Variants in PRKG1 observed in about 807,000 individuals in gnomAD.
PRKG1 encodes protein kinase cGMP-dependent 1, also known as cGMP-dependent protein kinase 1.
In PRKG1, 35 loss-of-function variants were observed where a neutral mutation model predicts 88.1. The ratio of observed to expected loss-of-function variants is 0.40; its 90% CI spans 0.30 to 0.53. PRKG1 has a LOEUF of 0.53. PRKG1 is among the 20% of genes least tolerant of loss of function. The pLI, the probability that PRKG1 is intolerant of heterozygous loss-of-function variation, is 0.59. For synonymous variants in PRKG1, 303 were observed against 292.5 expected, an observed-to-expected ratio of 1.04 and a Z score of -0.37; for missense variants, 540 against 839.8, an observed-to-expected ratio of 0.64 and a Z score of 4.41.
chr10:51,025,342 T>C (rs1168851818), intron 1 of PRKG1, among the ~76,000 whole-genome samples: 1 of 152,202 alleles, frequency 6.6e-6, no homozygotes, highest in African/African-American at 2.4e-5. Context: ...TTTCCTGTAC[T>C]CAATCACTGC....
At chr10:51,311,962 C>T (rs552407753) in intron 2 of PRKG1, among the ~76,000 whole-genome samples, 13 of 152,256 alleles carry the variant, frequency 8.5e-5, no homozygotes, top group Middle Eastern at 3.4e-3. Context: ...ACCTCTGCCT[C>T]CCGGGTTCAA....
chr10:51,303,902 C>A (rs554720430), intron 2 of PRKG1, among the ~76,000 whole-genome samples: 1 of 152,192 alleles, frequency 6.6e-6, no homozygotes, highest in African/African-American at 2.4e-5. Flanking sequence ...CTCACCGCAA[C>A]CTCCACCCCC....
At position 52,019,605 on chromosome 10, in the gene PRKG1, C is replaced by T. The variant is rs140885517; in HGVS notation, c.763-34879C>T. Among the ~76,000 whole-genome samples, 923 of 152,268 alleles carry T rather than the reference C, an allele frequency of 6.1e-3. 8 individuals are homozygous for T. The highest frequency in any genetic ancestry group is 0.021 in the African/African-American group (871 of 41,544). On this transcript the variant is annotated intron_variant, in intron 5 of 17. Coordinates refer to ENST00000373980, the MANE Select transcript of PRKG1 (RefSeq NM_006258.4). The stretch of plus-strand genomic sequence containing the variant: ...ATTGTGTTAATGAGGATATTTTATA[C>T]TCTGTGTCCATGAGATATTGATATG...
intron 12 of PRKG1, among the ~76,000 whole-genome samples, chr10:52,279,978 C>T (rs1279179075): frequency 6.6e-6 from 1 of 151,810 alleles, no homozygotes; most frequent in Non-Finnish European, 1.5e-5. Context: ...ACCTTAGATG[C>T]CAAGGTTTTT....
At chr10:51,784,358 T>G (rs1838675945) in intron 3 of PRKG1, among the ~76,000 whole-genome samples, 1 of 152,120 alleles carries the variant, frequency 6.6e-6, no homozygotes, top group African/African-American at 2.4e-5. Context: ...AGTACACATA[T>G]GTAGCTGTCC....
intron 1 of PRKG1, among the ~76,000 whole-genome samples, chr10:51,095,630 C>T (rs187431178): frequency 1.2e-4 from 19 of 152,286 alleles, no homozygotes; most frequent in African/African-American, 1.7e-4. Flanking sequence ...AGCCAGACCG[C>T]GTGCCCAGCT....
intron 4 of PRKG1, among the ~76,000 whole-genome samples, chr10:51,884,977 G>T (rs1841533219): frequency 6.6e-6 from 1 of 152,138 alleles, no homozygotes; most frequent in Non-Finnish European, 1.5e-5. Flanking sequence ...AGAGTCTACT[G>T]TATTCCTGAC....
chr10:52,237,663 T>C (rs1840724109), intron 9 of PRKG1, among the ~76,000 whole-genome samples: 1 of 122,332 alleles, frequency 8.2e-6, no homozygotes, highest in African/African-American at 3.3e-5. Flanking sequence ...CTCAAGGAAA[T>C]AAAAGAGGAT....
chr10:51,030,004 T>A (rs1319871511), intron 1 of PRKG1, among the ~76,000 whole-genome samples: 1 of 152,164 alleles, frequency 6.6e-6, no homozygotes, highest in Non-Finnish European at 1.5e-5. Context: ...GTAATTAATA[T>A]TCTTCTGATA....
chr10:52,069,923 G>A (rs140874062), intron 7 of PRKG1, among the ~76,000 whole-genome samples: 120 of 150,588 alleles, frequency 8.0e-4, no homozygotes, highest in African/African-American at 2.7e-3. Flanking sequence ...TCGTTTAGAA[G>A]TTTTACCTTC....
chr10:52,117,160 A>ATGTGTGTGTG (rs1358092566), intron 7 of PRKG1, among the ~76,000 whole-genome samples: 6 of 63,080 alleles, frequency 9.5e-5, no homozygotes, highest in African/African-American at 3.4e-4. Flanking sequence ...TCTATGTGAA[A>ATGTGTGTGTG]TATCTGTGTG....
chr10:50,991,369 C>T lies in PRKG1; in HGVS notation c.-10C>T. 1 of 1,517,510 alleles carries T rather than the reference C, an allele frequency of 6.6e-7. No individual in the cohort carries two copies. Among genetic ancestry groups the T allele is most frequent in the South Asian group, 1.2e-5 (1 of 80,796 alleles). 94.0% of individuals were successfully genotyped at this position (1,517,510 alleles called of 1,614,324 possible). A position where few individuals can be genotyped will look rare whatever the true frequency, so the allele number is the denominator to read the frequency against. On this transcript the variant is annotated 5_prime_UTR_variant, in exon 1 of 18. Transcript: ENST00000401604. The surrounding 1 kb of genome is among the most constrained non-coding windows in gnomAD (Gnocchi z 4.5). Reference sequence around the variant, plus strand: ...CGAGAAAAAGTTTCGCGGAGGGGCTCAGTGAAAAAATGAGCGAGCTAGAGG... The same window carrying T: ...CGAGAAAAAGTTTCGCGGAGGGGCTTAGTGAAAAAATGAGCGAGCTAGAGG...
chr10:51,682,777 C>G (rs865787130), intron 3 of PRKG1, among the ~76,000 whole-genome samples: 1 of 152,164 alleles, frequency 6.6e-6, no homozygotes, highest in Non-Finnish European at 1.5e-5. Flanking sequence ...AATTTGAACA[C>G]AGGCAGAGAT....
chr10:51,712,945 TC>T (rs369970382), intron 3 of PRKG1, among the ~76,000 whole-genome samples: 2 of 150,228 alleles, frequency 1.3e-5, no homozygotes, highest in African/African-American at 4.9e-5. Flanking sequence ...ACATAACTGC[TC>T]ATTCTACCTA....
chr10:51,310,467 A>G (rs1350412890), intron 2 of PRKG1, among the ~76,000 whole-genome samples: 4 of 152,220 alleles, frequency 2.6e-5, no homozygotes, highest in Non-Finnish European at 4.4e-5. Flanking sequence ...TCCATAGCAA[A>G]CGCAGAAAGT....
chr10:51,014,579 A>AAG (rs1318987611), intron 1 of PRKG1, among the ~76,000 whole-genome samples: 2 of 152,068 alleles, frequency 1.3e-5, no homozygotes, highest in Admixed American at 6.6e-5. Flanking sequence ...ATCCGTGATG[A>AAG]AGCTGCACGT....
Position 51,475,264 on chromosome 10 carries a change from TGTC to T in PRKG1, c.592+7429_592+7431del, listed in dbSNP as rs1840158778. On this transcript the variant is annotated intron_variant, in intron 3 of 17. Coordinates refer to ENST00000373980, the MANE Select transcript of PRKG1 (RefSeq NM_006258.4). ...AGGGAACTTCAAATGTTTACTCTAA[TGTC>T]TCTCAAAGTGTGGTCCCTGGAACAG... Among the ~76,000 whole-genome samples, 3 of 152,008 alleles carry T rather than the reference TGTC, an allele frequency of 2.0e-5. No individual in the cohort carries two copies. The South Asian group carries it at 6.2e-4, about 31-fold the overall frequency.
chr10:51,914,491 T>A (rs1235653732), intron 5 of PRKG1, among the ~76,000 whole-genome samples: 1 of 152,208 alleles, frequency 6.6e-6, no homozygotes, highest in Non-Finnish European at 1.5e-5. Flanking sequence ...CCACCTGGTG[T>A]GAGTACCATT....
At chr10:51,646,758 T>A (rs994506153) in intron 3 of PRKG1, among the ~76,000 whole-genome samples, 1 of 151,952 alleles carries the variant, frequency 6.6e-6, no homozygotes, top group African/African-American at 2.4e-5. Flanking sequence ...AAATAAATAA[T>A]GTAATATATT....
Sources: gnomAD v4.1 joint callset for allele counts (sites outside exome capture counted in the v4.1 genomes callset) on GRCh38, gnomAD v4.1.1 for gene constraint, Gnocchi (gnomAD v3.1) non-coding constraint, MANE v1.5 for transcripts, NCBI Gene and HGNC (gene_info 2026-07-23, HGNC 2026-07-21) for gene names.